CCDC141: variants seen among roughly 807,000 people sequenced by gnomAD.
CCDC141 encodes coiled-coil domain-containing protein 141.
In CCDC141, 168 loss-of-function variants were observed where a neutral mutation model predicts 181.0. The observed-to-expected ratio is 0.93, with a 90% CI of 0.82 to 1.05. CCDC141 has a LOEUF of 1.05. Ranked by LOEUF, CCDC141 falls within the 50% of genes least tolerant of loss-of-function variation. The pLI is 0.00. For synonymous variants in CCDC141, 666 were observed against 642.3 expected (o/e 1.04, Z -0.56); for missense variants, 1,902 against 1,788.5 (o/e 1.06, Z -1.14).
rs1166916414 is a variant in CCDC141 at position 178,878,109 on chromosome 2, T to C, written c.1754A>G (p.Tyr585Cys). 4 of 1,607,640 alleles carry C rather than the reference T, an allele frequency of 2.5e-6. No homozygotes were observed. Among genetic ancestry groups the C allele is most frequent in the Non-Finnish European group, 3.4e-6 (4 of 1,178,594 alleles). Residue 585 changes from tyrosine to cysteine, a missense_variant, in exon 12 of 24, where the codon TAT (tyrosine) becomes TGT (cysteine). Coordinates refer to ENST00000443758, the MANE Select transcript of CCDC141 (RefSeq NM_173648.4). ...EMQFQSLKEF[Y>C]ETEIPQKEQD... The stretch of plus-strand genomic sequence containing the variant: ...CTCCTTCTGAGGGATTTCGGTTTCA[T>C]AAAATTCTTTTAAGCTCTGAAACTG...
chr2:178,819,078 A>G, the CCDC141 span, among the ~76,000 whole-genome samples: 4 of 152,228 alleles, frequency 2.6e-5, no homozygotes. Context: ...TTCCAAAGTA[A>G]AAAAGCTACA....
intron 2 of CCDC141, among the ~76,000 whole-genome samples, chr2:178,997,928 G>A (rs1006608332): frequency 3.9e-5 from 6 of 152,008 alleles, no homozygotes; most frequent in East Asian, 1.9e-4. Flanking sequence ...TATTGCTGTC[G>A]GCTGTAGATG....
chr2:178,984,742 GAT>G (rs1173271036), intron 2 of CCDC141, among the ~76,000 whole-genome samples: 151 of 151,234 alleles, frequency 1.0e-3, no homozygotes, highest in African/African-American at 3.6e-3. Context: ...ATGGTAAAGG[GAT>G]CAATTCAACA....
chr2:178,978,973 C>G (rs950981222), intron 2 of CCDC141, among the ~76,000 whole-genome samples: 1 of 152,062 alleles, frequency 6.6e-6, no homozygotes, highest in African/African-American at 2.4e-5. Flanking sequence ...TTATGTTAAT[C>G]TAACAGTTCC....
chr2:178,854,310 G>C (rs1417965532), intron 19 of CCDC141, among the ~76,000 whole-genome samples: 1 of 152,038 alleles, frequency 6.6e-6, no homozygotes, highest in Non-Finnish European at 1.5e-5. Context: ...GGATCACGAG[G>C]TCAGGAGATC....
chr2:178,829,887 A>G lies in CCDC141; in HGVS notation c.*4286T>C, dbSNP rs1339633588. The G allele has an allele frequency of 6.6e-6, 1 of 152,260 alleles. No individual in the cohort carries two copies. Among genetic ancestry groups the G allele is most frequent in the African/African-American group, 2.4e-5 (1 of 41,474 alleles). 9.4% of individuals were successfully genotyped at this position (152,260 alleles called of 1,614,324 possible). On this transcript the variant is annotated 3_prime_UTR_variant, in exon 24 of 24. Coordinates refer to ENST00000443758, the MANE Select transcript of CCDC141 (RefSeq NM_173648.4). ...TAGTAAGAAATGGTCATGAATAAAG[A>G]CAAACATAAAGCAGAACAAAATAAG... is the stretch of plus-strand genomic sequence containing the variant.
At chr2:178,983,252 G>A (rs1575302538) in intron 2 of CCDC141, among the ~76,000 whole-genome samples, 1 of 152,158 alleles carries the variant, frequency 6.6e-6, no homozygotes, top group Non-Finnish European at 1.5e-5. Context: ...GCAGCTGAGG[G>A]TCCTGTCTGT....
At chr2:179,013,238 T>C (rs1440183254) in intron 2 of CCDC141, among the ~76,000 whole-genome samples, 1 of 152,062 alleles carries the variant, frequency 6.6e-6, no homozygotes, top group Non-Finnish European at 1.5e-5. Context: ...TCCAGAAAGC[T>C]CCTAGAACTG....
intron 4 of CCDC141, among the ~76,000 whole-genome samples, chr2:178,971,643 T>A (rs981374717): frequency 1.3e-5 from 2 of 152,212 alleles, no homozygotes; most frequent in African/African-American, 4.8e-5. Flanking sequence ...GCGGTACTAT[T>A]CACAATAGCA....
At chr2:178,860,398 T>C (rs1299455676) in intron 17 of CCDC141, among the ~76,000 whole-genome samples, 1 of 151,584 alleles carries the variant, frequency 6.6e-6, no homozygotes, top group Non-Finnish European at 1.5e-5. Flanking sequence ...CTGGGCATGG[T>C]GGTGCATGCC....
intron 2 of CCDC141, among the ~76,000 whole-genome samples, chr2:178,991,998 C>G (rs1324979806): frequency 6.6e-6 from 1 of 151,986 alleles, no homozygotes; most frequent in Non-Finnish European, 1.5e-5. Flanking sequence ...CTCATCATCA[C>G]TATTATCACT....
intron 5 of CCDC141, among the ~76,000 whole-genome samples, chr2:178,948,078 T>C (rs1689805236): frequency 6.6e-6 from 1 of 152,002 alleles, no homozygotes; most frequent in South Asian, 2.1e-4. Context: ...CACACACCTG[T>C]AGTCCCAGCT....
Position 178,850,015 on chromosome 2 carries a change from C to T in CCDC141, c.3357+34G>A, listed in dbSNP as rs1211018849. ...GATTAACACATTTTTATTTATTTTG[C>T]TTGAAAATACATATTCTAGGAAGAA... On this transcript the variant is annotated intron_variant, in intron 21 of 23. Transcript: ENST00000443758. 2.6e-6 allele frequency: 3 copies of T among 1,169,970 alleles called. No homozygotes were observed. In the African/African-American group the frequency reaches 4.7e-5, roughly 18 times the overall value. The allele number at this position is 1,169,970 out of a possible 1,614,324, so 72.5% of individuals were successfully genotyped here.
At chr2:178,951,014 A>C (rs1689931111) in intron 5 of CCDC141, among the ~76,000 whole-genome samples, 1 of 152,178 alleles carries the variant, frequency 6.6e-6, no homozygotes, top group African/African-American at 2.4e-5. Context: ...CCAACCACTT[A>C]ATGGATGGAA....
At chr2:178,888,816 T>C (rs1687011061) in intron 8 of CCDC141, 148 bp from the exon 9 acceptor site, 4 of 752,422 alleles carry the variant, frequency 5.3e-6, no homozygotes, top group Non-Finnish European at 6.3e-6. Context: ...CATCTCGGCA[T>C]AGCAGGAAGC....
intron 2 of CCDC141, among the ~76,000 whole-genome samples, chr2:179,000,463 A>C (rs1222447685): frequency 6.6e-6 from 1 of 152,216 alleles, no homozygotes; most frequent in Admixed American, 6.5e-5. Context: ...AATATTCACC[A>C]TCTGACCCTT....
intron 2 of CCDC141, among the ~76,000 whole-genome samples, chr2:178,996,320 C>A (rs550660923): frequency 6.6e-6 from 1 of 152,040 alleles, no homozygotes; most frequent in Non-Finnish European, 1.5e-5. Flanking sequence ...TCAGGTGATC[C>A]GTCTGCCTTG....
chr2:178,978,393 G>T, intron 3 of CCDC141, 91 bp downstream of exon 3: 2 of 816,088 alleles, frequency 2.5e-6, no homozygotes, highest in Non-Finnish European at 3.4e-6. Context: ...TTAACTGCTT[G>T]CAATGTCTAT....
At chr2:178,958,285 GAACCTTCATGTA>G (rs1371694665) in intron 5 of CCDC141, among the ~76,000 whole-genome samples, 8 of 152,206 alleles carry the variant, frequency 5.3e-5, no homozygotes, top group South Asian at 4.2e-4. Flanking sequence ...CATCAAGAGT[GAACCTTCATGTA>G]AACTGTGGAC....
Sources: allele counts gnomAD v4.1 joint callset (sites outside exome capture counted in the v4.1 genomes callset), GRCh38; gene constraint gnomAD v4.1.1; transcripts MANE v1.5; gene names NCBI Gene and HGNC (gene_info 2026-07-23, HGNC 2026-07-21).